The following NTAN1 variants were observed in gnomAD, a reference collection of about 807,000 sequenced individuals.
The protein encoded by NTAN1 is N-terminal asparagine amidase.
Under a neutral mutation model 41.9 loss-of-function variants are expected in NTAN1, and 32 were observed. The ratio of observed to expected loss-of-function variants is 0.76; its 90% CI spans 0.58 to 1.03. The LOEUF is 1.03. NTAN1 is among the 50% of genes least tolerant of loss of function. The pLI is 0.00. For missense variants in NTAN1, 377 were observed against 377.5 expected, an observed-to-expected ratio of 1.00 and a Z score of 0.01; for synonymous variants, 140 against 139.5, an observed-to-expected ratio of 1.00 and a Z score of -0.03.
intron 3 of NTAN1, 43 bp downstream of exon 3, chr16:15,047,812 G>C (rs369173156): frequency 3.4e-6 from 5 of 1,467,390 alleles, no homozygotes; most frequent in Middle Eastern, 1.8e-4. Flanking sequence ...CCCAAAGGTT[G>C]GGTCAGTTTA....
chr16:15,043,251 G>A (rs943879711), intron 5 of NTAN1, among the ~76,000 whole-genome samples: 1 of 152,036 alleles, frequency 6.6e-6, no homozygotes, highest in Non-Finnish European at 1.5e-5. Context: ...GCCCAGGCTG[G>A]TGTCGAACTC....
Position 15,056,063 on chromosome 16 carries a change from G to T in NTAN1, c.-92C>A. 2.2e-6 allele frequency: 1 copy of T among 461,196 alleles called. No homozygotes were observed. The allele number at this position is 461,196 out of a possible 1,614,324, so 28.6% of individuals were successfully genotyped here. On this transcript the variant is annotated 5_prime_UTR_variant, in exon 1 of 10. Coordinates refer to ENST00000287706, the MANE Select transcript of NTAN1 (RefSeq NM_173474.4). ...CCGCCGCCCCCGCCCCTCGGGCCGCGCGTCCCGCCTCGTCCTGCCCCGCCC... is the reference window on the plus strand; with the variant it reads ...CCGCCGCCCCCGCCCCTCGGGCCGCTCGTCCCGCCTCGTCCTGCCCCGCCC...
chr16:15,051,692 T>C (rs2044295531), intron 1 of NTAN1, among the ~76,000 whole-genome samples: 1 of 137,602 alleles, frequency 7.3e-6, no homozygotes, highest in Non-Finnish European at 1.6e-5. Flanking sequence ...CTCTACTTTA[T>C]TTTTAATTTT....
intron 1 of NTAN1, among the ~76,000 whole-genome samples, chr16:15,050,508 G>C (rs941193338): frequency 2.0e-5 from 3 of 152,174 alleles, no homozygotes; most frequent in Non-Finnish European, 2.9e-5. Flanking sequence ...TGAGGAGGGA[G>C]GACTGCTTGA....
At chr16:15,055,664 C>T in intron 1 of NTAN1, 1 of 359,908 alleles carries the variant, frequency 2.8e-6, no homozygotes, top group Non-Finnish European at 5.0e-6. Context: ...CCTCTCTGGG[C>T]CCCCGTCCCC....
chr16:15,048,926 T>G (rs1338106171), intron 1 of NTAN1, among the ~76,000 whole-genome samples: 28 of 120,974 alleles, frequency 2.3e-4, no homozygotes, highest in Non-Finnish European at 3.1e-4. Context: ...ACCTGGCTGA[T>G]TTTTATACTT....
intron 9 of NTAN1, 75 bp from the exon 10 acceptor site, chr16:15,038,285 C>CT: frequency 9.3e-7 from 1 of 1,069,628 alleles, no homozygotes; most frequent in Non-Finnish European, 1.4e-6. Flanking sequence ...GTCAAAGTAT[C>CT]TTTGTTCTTG....
chr16:15,050,511 C>T (rs1957101523), intron 1 of NTAN1, among the ~76,000 whole-genome samples: 1 of 152,070 alleles, frequency 6.6e-6, no homozygotes, highest in South Asian at 2.1e-4. Flanking sequence ...GGAGGGAGGA[C>T]TGCTTGAGCC....
chr16:15,044,408 CT>C lies in NTAN1; in HGVS notation c.360-2del. 6.2e-7 allele frequency: 1 copy of C among 1,611,614 alleles called. No homozygotes were observed. Among genetic ancestry groups the C allele is most frequent in the East Asian group, 2.2e-5 (1 of 44,882 alleles). On this transcript the variant is annotated splice_acceptor_variant, in intron 4 of 9. Transcript: ENST00000287706. LOFTEE classifies it high-confidence loss of function. ...GCCTCCAACAAGGTGTACTTCCAGC[CT>C]GGCAAAGAGATGAGACGGGTCAGAG...
intron 1 of NTAN1, among the ~76,000 whole-genome samples, chr16:15,051,698 AT>A (rs61437077): frequency 0.3 from 36,926 of 122,312 alleles, 5,583 homozygotes; most frequent in Admixed American, 0.46. Flanking sequence ...TTTATTTTTA[AT>A]TTTTTTTTTT....
At chr16:15,055,297 C>G (rs1290423315) in intron 1 of NTAN1, among the ~76,000 whole-genome samples, 2 of 152,242 alleles carry the variant, frequency 1.3e-5, no homozygotes, top group Non-Finnish European at 2.9e-5. Flanking sequence ...AAAACCCGTG[C>G]ATCAGGGCGT....
In NTAN1 at chr16:15,038,572, A is replaced by C; in HGVS notation, c.753+2T>G. 6.7e-7 allele frequency: 1 copy of C among 1,495,018 alleles called. No homozygotes were observed. Among genetic ancestry groups the C allele is most frequent in the Non-Finnish European group, 9.3e-7 (1 of 1,073,812 alleles). The allele number at this position is 1,495,018 out of a possible 1,614,324, so 92.6% of individuals were successfully genotyped here. On this transcript the variant is annotated splice_donor_variant, in intron 9 of 9. Transcript: ENST00000287706. LOFTEE classifies it high-confidence loss of function. ...AGACTTACCCAGCCTGTAAACTCTC[A>C]CCTCTAGTATTTGCTTGTCATCTTG...
intron 7 of NTAN1, among the ~76,000 whole-genome samples, chr16:15,040,779 C>G (rs2151689894): frequency 6.6e-6 from 1 of 152,260 alleles, no homozygotes; most frequent in African/African-American, 2.4e-5. Flanking sequence ...GGAAACAAAA[C>G]CAGGCACTTT....
At chr16:15,051,450 ATCCTCCCACCTCAGCC>A (rs1209899233) in intron 1 of NTAN1, among the ~76,000 whole-genome samples, 1 of 152,118 alleles carries the variant, frequency 6.6e-6, no homozygotes, top group South Asian at 2.1e-4. Flanking sequence ...GCCTCAAGCA[ATCCTCCCACCTCAGCC>A]TCCCAAGGAG....
Position 15,048,048 on chromosome 16 carries a change from C to T in NTAN1, c.133G>A (p.Gly45Ser). The change falls in exon 2 of 10, where the codon GGC (glycine) becomes AGC (serine). Residue 45 changes from glycine (G) to serine (S), a missense_variant. Transcript: ENST00000287706. ...GQSVQQVGPQ[G>S]LLYVQQRELA... ...TCTCTTTGCTGAACATACAGAAGGC[C>T]CTGGGGTCCCACTTGTTGAACAGAC... 1 of 1,613,576 alleles carries T rather than the reference C, an allele frequency of 6.2e-7. No homozygotes were observed. Among genetic ancestry groups the T allele is most frequent in the Non-Finnish European group, 8.5e-7 (1 of 1,179,552 alleles).
chr16:15,042,299 C>A (rs1343295003), intron 5 of NTAN1, among the ~76,000 whole-genome samples: 2 of 151,562 alleles, frequency 1.3e-5, no homozygotes, highest in Non-Finnish European at 2.9e-5. Context: ...GATTTTCCTG[C>A]CTCAGCCTCC....
At chr16:15,045,385 T>C (rs1007541367) in intron 4 of NTAN1, 1 of 151,438 alleles carries the variant, frequency 6.6e-6, no homozygotes, top group African/African-American at 2.4e-5. Flanking sequence ...GAGAATCACT[T>C]GGACCCAGGA....
At chr16:15,053,480 TAA>T (rs58008251) in intron 1 of NTAN1, among the ~76,000 whole-genome samples, 37 of 152,326 alleles carry the variant, frequency 2.4e-4, no homozygotes, top group African/African-American at 7.5e-4. Context: ...ATCATTTTTT[TAA>T]AAAAAGTAAA....
intron 6 of NTAN1, among the ~76,000 whole-genome samples, 159 bp downstream of exon 6, chr16:15,041,458 GAGGGCA>G (rs1327364972): frequency 2.0e-5 from 3 of 152,126 alleles, no homozygotes; most frequent in Non-Finnish European, 4.4e-5. Flanking sequence ...GATGGTGGAC[GAGGGCA>G]AGGGGAAGGG....
Sources: gnomAD v4.1 joint callset for allele counts (sites outside exome capture counted in the v4.1 genomes callset) on GRCh38, gnomAD v4.1.1 for gene constraint, MANE v1.5 for transcripts, NCBI Gene and HGNC (gene_info 2026-07-23, HGNC 2026-07-21) for gene names.